The following ACTR3C variants were observed in gnomAD, a reference collection of about 807,000 sequenced individuals.
ACTR3C encodes the protein actin-related protein 3C.
In ACTR3C, 18 loss-of-function variants were observed where a neutral mutation model predicts 26.3. The observed-to-expected ratio is 0.68, with a 90% CI of 0.47 to 1.01. The LOEUF is 1.01. ACTR3C is among the 50% of genes least tolerant of loss of function. ACTR3C has a pLI of 0.00. For missense variants in ACTR3C, 184 were observed against 250.7 expected, an observed-to-expected ratio of 0.73 and a Z score of 1.80; for synonymous variants, 55 against 94.5, an observed-to-expected ratio of 0.58 and a Z score of 2.42.
the ACTR3C span, among the ~76,000 whole-genome samples, chr7:150,035,921 C>A: frequency 7.4e-6 from 1 of 134,970 alleles, no homozygotes; most frequent in African/African-American, 2.7e-5. Context: ...GCGGGGGGTG[C>A]CTCGCCCTCC....
the ACTR3C span, among the ~76,000 whole-genome samples, chr7:150,102,607 C>A: frequency 2.0e-5 from 3 of 152,076 alleles, no homozygotes; most frequent in African/African-American, 7.2e-5. Context: ...TTCTCACAGT[C>A]GGTGACTCGG....
chr7:150,103,364 G>C, the ACTR3C span, among the ~76,000 whole-genome samples: 4 of 152,006 alleles, frequency 2.6e-5, 1 homozygote, highest in African/African-American at 9.7e-5. Flanking sequence ...GCTTGACCTT[G>C]GCTCAGAAAA....
chr7:150,285,760 A>T (rs1254523815), intron 5 of ACTR3C, among the ~76,000 whole-genome samples: 2 of 152,250 alleles, frequency 1.3e-5, no homozygotes, highest in African/African-American at 4.8e-5. Context: ...AATAAAATGC[A>T]TTATATGTAA....
chr7:150,038,334 G>C, the ACTR3C span, among the ~76,000 whole-genome samples: 34 of 144,166 alleles, frequency 2.4e-4, 5 homozygotes, highest in African/African-American at 8.0e-4. Context: ...TAAAAGTCCA[G>C]CTGCCATCTT....
At chr7:149,974,475 C>T in the ACTR3C span, among the ~76,000 whole-genome samples, 1 of 152,140 alleles carries the variant, frequency 6.6e-6, no homozygotes, top group Non-Finnish European at 1.5e-5. Flanking sequence ...GGTTCTCTTT[C>T]CAGTGTGATT....
the ACTR3C span, among the ~76,000 whole-genome samples, chr7:150,105,953 T>TA: frequency 6.6e-6 from 1 of 151,874 alleles, no homozygotes; most frequent in Non-Finnish European, 1.5e-5. Flanking sequence ...GTATTATAAC[T>TA]AAAAAAAATT....
At chr7:150,033,839 G>A in the ACTR3C span, among the ~76,000 whole-genome samples, 36,065 of 146,902 alleles carry the variant, frequency 0.25, 860 homozygotes, top group East Asian at 0.29. Context: ...CCTCGTGGGG[G>A]GTGCCTCCGC....
At chr7:150,000,806 C>A in the ACTR3C span, 1 of 138,792 alleles carries the variant, frequency 7.2e-6, no homozygotes. Context: ...AATCCAGTCC[C>A]CTCGACTCCC....
At chr7:150,004,154 T>C in the ACTR3C span, among the ~76,000 whole-genome samples, 5 of 151,800 alleles carry the variant, frequency 3.3e-5, no homozygotes, top group Admixed American at 3.3e-4. Context: ...GTATTTGGTG[T>C]GTGTGTGGTG....
chr7:150,125,923 A>C, the ACTR3C span, among the ~76,000 whole-genome samples: 1 of 152,168 alleles, frequency 6.6e-6, no homozygotes, highest in African/African-American at 2.4e-5. Context: ...GTGACAACTT[A>C]ATTGAGTCCT....
the ACTR3C span, among the ~76,000 whole-genome samples, chr7:150,098,262 G>A: frequency 6.6e-6 from 1 of 151,648 alleles, no homozygotes; most frequent in Non-Finnish European, 1.5e-5. Flanking sequence ...TATCCTTGAG[G>A]GGTGTAATGT....
At chr7:150,048,787 G>A in the ACTR3C span, among the ~76,000 whole-genome samples, 2 of 152,116 alleles carry the variant, frequency 1.3e-5, no homozygotes, top group Non-Finnish European at 2.9e-5. Context: ...CGGGGTGGTC[G>A]GACGACGCTG....
At chr7:150,176,152 T>A in the ACTR3C span, among the ~76,000 whole-genome samples, 1 of 150,968 alleles carries the variant, frequency 6.6e-6, no homozygotes, top group Non-Finnish European at 1.5e-5. Context: ...CTGAGCCTTT[T>A]ATAACAAATT....
intron 6 of ACTR3C, among the ~76,000 whole-genome samples, chr7:150,271,962 T>C (rs1454628499): frequency 2.7e-5 from 4 of 146,960 alleles, no homozygotes; most frequent in Admixed American, 1.3e-4. Context: ...AAAAGTTACT[T>C]TATACAAGGA....
the ACTR3C span, among the ~76,000 whole-genome samples, chr7:149,996,241 G>A: frequency 2.6e-5 from 4 of 152,042 alleles, no homozygotes; most frequent in Non-Finnish European, 5.9e-5. Context: ...AGGAGGGGAG[G>A]GAGGAGAGGA....
the ACTR3C span, among the ~76,000 whole-genome samples, chr7:150,220,267 T>C: frequency 0.18 from 25,369 of 144,180 alleles, 4,196 homozygotes; most frequent in African/African-American, 0.35. Flanking sequence ...CCCCGGGGGA[T>C]ACCTGACGCT....
the ACTR3C span, among the ~76,000 whole-genome samples, chr7:150,198,788 C>CCT: frequency 7.7e-6 from 1 of 129,722 alleles, no homozygotes; most frequent in African/African-American, 3.5e-5. Flanking sequence ...CCAGCCGTGC[C>CCT]GTCCGGGAGG....
the ACTR3C span, among the ~76,000 whole-genome samples, chr7:150,196,727 GT>G: frequency 0.018 from 2,777 of 152,238 alleles, 92 homozygotes; most frequent in African/African-American, 0.063. Context: ...TTGGAAGTTT[GT>G]TTTAATCTAG....
the ACTR3C span, among the ~76,000 whole-genome samples, chr7:150,158,928 T>G: frequency 7.0e-6 from 1 of 142,028 alleles, no homozygotes; most frequent in Non-Finnish European, 1.5e-5. Flanking sequence ...TGCACACACA[T>G]GTGCGCAGAC....
Sources: allele counts gnomAD v4.1 joint callset (sites outside exome capture counted in the v4.1 genomes callset), GRCh38; gene constraint gnomAD v4.1.1; transcripts MANE v1.5; gene names NCBI Gene and HGNC (gene_info 2026-07-23, HGNC 2026-07-21).